Variants in CSNK2A2 observed in about 807,000 individuals in gnomAD.
CSNK2A2 encodes the protein casein kinase 2 alpha 2.
CSNK2A2 carries 8 observed loss-of-function variants against 54.0 expected under a neutral mutation model. The observed-to-expected ratio is 0.15, with a 90% CI of 0.09 to 0.27. The LOEUF (loss-of-function observed/expected upper bound fraction) is 0.27. Among genes scored for constraint, CSNK2A2 ranks in the 10% least tolerant of loss-of-function variants. The pLI is 1.00. For synonymous variants in CSNK2A2, 141 were observed against 153.9 expected (o/e 0.92, Z 0.62); for missense variants, 242 against 439.4 (o/e 0.55, Z 4.02).
intron 2 of CSNK2A2, among the ~76,000 whole-genome samples, chr16:58,195,974 G>GT (rs1316138668): frequency 6.6e-6 from 1 of 152,202 alleles, no homozygotes; most frequent in Non-Finnish European, 1.5e-5. Context: ...AAAAAAACAA[G>GT]TGATTATCCG....
intron 5 of CSNK2A2, among the ~76,000 whole-genome samples, chr16:58,171,958 CATATATATATATAT>C: frequency 3.2e-5 from 1 of 31,318 alleles, no homozygotes; most frequent in African/African-American, 2.1e-4. Context: ...CTGGAGCATG[CATATATATATATAT>C]ATATATATTT....
At chr16:58,165,202 T>G (rs1229262114) in intron 10 of CSNK2A2, among the ~76,000 whole-genome samples, 1 of 152,246 alleles carries the variant, frequency 6.6e-6, no homozygotes, top group Non-Finnish European at 1.5e-5. Context: ...ATCTTACTAC[T>G]TTTAACTAAT....
intron 2 of CSNK2A2, among the ~76,000 whole-genome samples, chr16:58,191,941 C>A (rs78019923): frequency 6.6e-6 from 1 of 152,276 alleles, no homozygotes; most frequent in East Asian, 1.9e-4. Flanking sequence ...AACTGTTTGA[C>A]GTCACAGAGC....
chr16:58,176,911 T>A (rs1158095764), intron 4 of CSNK2A2, among the ~76,000 whole-genome samples: 2 of 151,988 alleles, frequency 1.3e-5, no homozygotes, highest in Admixed American at 6.5e-5. Context: ...ACCCCAAGAG[T>A]CTCATGCCAA....
chr16:58,166,401 G>A (rs1306169681), intron 9 of CSNK2A2, among the ~76,000 whole-genome samples, 183 bp downstream of exon 9: 1 of 152,102 alleles, frequency 6.6e-6, no homozygotes, highest in Non-Finnish European at 1.5e-5. Context: ...TCTCAGAGAA[G>A]TAAAATGATT....
At chr16:58,166,766 AAG>A (rs1961574178) in intron 8 of CSNK2A2, 82 bp from the exon 9 acceptor site, 1 of 967,890 alleles carries the variant, frequency 1.0e-6, no homozygotes, top group Non-Finnish European at 1.6e-6. Context: ...AAGGAATCAG[AAG>A]ACTTCCACAC....
chr16:58,174,957 A>G (rs1344023089), intron 4 of CSNK2A2, among the ~76,000 whole-genome samples: 2 of 152,200 alleles, frequency 1.3e-5, no homozygotes, highest in Non-Finnish European at 2.9e-5. Context: ...CTACTGTGGT[A>G]AAACAGTGGC....
chr16:58,184,944 T>G (rs1169750447), intron 3 of CSNK2A2, among the ~76,000 whole-genome samples: 1 of 152,214 alleles, frequency 6.6e-6, no homozygotes, highest in Non-Finnish European at 1.5e-5. Context: ...TCTCATCTTA[T>G]CAAGCAGACC....
chr16:58,166,748 A>C, intron 8 of CSNK2A2, 64 bp from the exon 9 acceptor site: 1 of 1,162,260 alleles, frequency 8.6e-7, no homozygotes, highest in Non-Finnish European at 1.3e-6. Context: ...CCGTGAGGAC[A>C]CTGCACCAAG....
chr16:58,178,455 T>C (rs960409359), intron 4 of CSNK2A2, among the ~76,000 whole-genome samples: 2 of 152,076 alleles, frequency 1.3e-5, no homozygotes, highest in Non-Finnish European at 2.9e-5. Flanking sequence ...CCGAATTTTT[T>C]TGTATTTTTA....
rs562718269 is a variant in CSNK2A2, at chr16:58,186,806, A to G, written c.267T>C (p.Leu89=). The G allele has an allele frequency of 5.6e-6, 9 of 1,614,046 alleles. No individual in the cohort carries two copies. The highest frequency in any genetic ancestry group is 7.6e-6 in the Non-Finnish European group (9 of 1,180,002). The change falls in exon 3 of 12, where the codon CTT becomes CTC. Residue 89 remains leucine (L), a synonymous_variant. Coordinates refer to ENST00000262506, the MANE Select transcript of CSNK2A2 (RefSeq NM_001896.4). ...GCTTAATGATATTTGTTCCACCACG[A>G]AGGTTCTCCAGAATCTTAACCTCTC... ...IKREVKILEN[L]RGGTNIIKLI...
rs867887217 is a variant in CSNK2A2 at position 58,197,662 on chromosome 16, C to A, written c.75G>T (p.Trp25Cys). 6.3e-7 allele frequency: 1 copy of A among 1,577,616 alleles called. No individual in the cohort carries two copies. The highest frequency in any genetic ancestry group is 2.4e-5 in the East Asian group (1 of 40,954). Residue 25 changes from tryptophan (W) to cysteine (C), a missense_variant, in exon 1 of 12, where the codon TGG becomes TGT. Trp to Cys is a radical substitution (Grantham distance 215, BLOSUM62 -2). Coordinates refer to ENST00000262506, the MANE Select transcript of CSNK2A2 (RefSeq NM_001896.4). This position sits in a 1 kb window ranked among gnomAD's most constrained non-coding sequence, Gnocchi z 4.0. ...AGCTCGGGACGTGAGCCTCGTAGTC[C>A]CAGTACTCGCGGCTCCTCAGACTGT... ...EVNSLRSREY[W>C]DYEAHVPSWG...
chr16:58,168,435 T>C (rs918276533), intron 6 of CSNK2A2, among the ~76,000 whole-genome samples, 175 bp downstream of exon 6: 1 of 152,210 alleles, frequency 6.6e-6, no homozygotes, highest in Non-Finnish European at 1.5e-5. Flanking sequence ...CTACTTTCCT[T>C]GTGTACTACA....
intron 2 of CSNK2A2, among the ~76,000 whole-genome samples, chr16:58,191,175 T>C (rs969436256): frequency 2.0e-5 from 3 of 152,170 alleles, no homozygotes; most frequent in Non-Finnish European, 4.4e-5. Flanking sequence ...GTAGTCAAAT[T>C]CATAGAAACA....
intron 2 of CSNK2A2, among the ~76,000 whole-genome samples, chr16:58,193,889 C>A (rs1354967910): frequency 6.6e-6 from 1 of 152,160 alleles, no homozygotes. Context: ...AAGATTTTAG[C>A]CACAGAATAC....
Position 58,197,955 on chromosome 16 carries a change from C to CCGGCGGGG in CSNK2A2, c.-227_-220dup, listed in dbSNP as rs909011235. On this transcript the variant is annotated 5_prime_UTR_variant, in exon 1 of 12. Transcript: ENST00000262506. This position sits in a 1 kb window ranked among gnomAD's most constrained non-coding sequence, Gnocchi z 4.0. ...CCGAGCCGGCCCGGCCCTGGAGCGGCCGGCGGGGCGGCGGGGCGGGCGGCG... is the reference window on the plus strand; with the variant it reads ...CCGAGCCGGCCCGGCCCTGGAGCGGCCGGCGGGGCGGCGGGGCGGCGGGGCGGGCGGCG... The CCGGCGGGG allele has an allele frequency of 4.2e-5, 6 of 142,268 alleles. No individual in the cohort carries two copies. The highest frequency in any genetic ancestry group is 7.6e-5 in the African/African-American group (3 of 39,510). 8.8% of individuals were successfully genotyped at this position (142,268 alleles called of 1,614,324 possible).
At chr16:58,193,376 A>C (rs555982894) in intron 2 of CSNK2A2, among the ~76,000 whole-genome samples, 1 of 152,354 alleles carries the variant, frequency 6.6e-6, no homozygotes, top group Admixed American at 6.5e-5. Flanking sequence ...AACATGCTTA[A>C]AGAGCAAAAT....
At chr16:58,188,037 G>A (rs1441905416) in intron 2 of CSNK2A2, among the ~76,000 whole-genome samples, 1 of 152,166 alleles carries the variant, frequency 6.6e-6, no homozygotes, top group African/African-American at 2.4e-5. Context: ...CTGTGTGTGG[G>A]GTGGGGAAGG....
intron 11 of CSNK2A2, chr16:58,161,546 C>CACACAG (rs372634548): frequency 1.1e-4 from 16 of 150,322 alleles, no homozygotes; most frequent in African/African-American, 4.0e-4. Flanking sequence ...CAGACACACA[C>CACACAG]ACAGACACAC....
Sources: gnomAD v4.1 joint callset for allele counts (sites outside exome capture counted in the v4.1 genomes callset) on GRCh38, gnomAD v4.1.1 for gene constraint, Gnocchi (gnomAD v3.1) non-coding constraint, MANE v1.5 for transcripts, NCBI Gene and HGNC (gene_info 2026-07-23, HGNC 2026-07-21) for gene names.